Variants in SPMIP2 observed in about 807,000 individuals in gnomAD.
SPMIP2 encodes protein SPMIP2.
chr4:158,921,283 A>G, the SPMIP2 span, among the ~76,000 whole-genome samples: 10 of 152,184 alleles, frequency 6.6e-5, no homozygotes, highest in Admixed American at 6.5e-4. Flanking sequence ...TACTAAAAAT[A>G]CAAAAATAAT....
At chr4:158,997,246 T>TG in the SPMIP2 span, among the ~76,000 whole-genome samples, 27 of 151,966 alleles carry the variant, frequency 1.8e-4, no homozygotes, top group Non-Finnish European at 3.7e-4. Context: ...TTTTTTTTTT[T>TG]TGAGATGAAG....
chr4:159,022,633 G>T, the SPMIP2 span, among the ~76,000 whole-genome samples: 1 of 152,170 alleles, frequency 6.6e-6, no homozygotes, highest in South Asian at 2.1e-4. Context: ...GCATTCTTAA[G>T]TGTCTCCATA....
chr4:158,916,845 T>G, the SPMIP2 span, among the ~76,000 whole-genome samples: 1 of 152,232 alleles, frequency 6.6e-6, no homozygotes, highest in Non-Finnish European at 1.5e-5. Flanking sequence ...GGTTTCACCA[T>G]GTCGACCAAG....
the SPMIP2 span, among the ~76,000 whole-genome samples, chr4:158,986,230 G>C: frequency 6.6e-6 from 1 of 151,620 alleles, no homozygotes; most frequent in Non-Finnish European, 1.5e-5. Context: ...TATAGATTCA[G>C]TGCCATCCCC....
chr4:158,906,751 A>C, the SPMIP2 span: 1 of 152,116 alleles, frequency 6.6e-6, no homozygotes, highest in Admixed American at 6.5e-5. Context: ...TCCTTTAAAT[A>C]TTTAACATTC....
At chr4:159,066,584 G>A in the SPMIP2 span, among the ~76,000 whole-genome samples, 2 of 117,312 alleles carry the variant, frequency 1.7e-5, no homozygotes, top group East Asian at 2.2e-4. Flanking sequence ...ATACGTGTGT[G>A]TATTTTATAT....
the SPMIP2 span, chr4:158,895,706 G>T: frequency 8.2e-7 from 1 of 1,215,736 alleles, no homozygotes; most frequent in Admixed American, 1.9e-5. Flanking sequence ...TATTGGCAGA[G>T]ATTTGACTTC....
chr4:159,019,149 A>C, the SPMIP2 span, among the ~76,000 whole-genome samples: 2 of 152,130 alleles, frequency 1.3e-5, no homozygotes, highest in Non-Finnish European at 2.9e-5. Context: ...CTGGTTCCCC[A>C]GCTGGAGTTG....
the SPMIP2 span, among the ~76,000 whole-genome samples, chr4:158,957,472 G>A: frequency 6.6e-6 from 1 of 152,004 alleles, no homozygotes; most frequent in Non-Finnish European, 1.5e-5. Context: ...TGTCGCCCAG[G>A]CTGGAGTACA....
chr4:158,985,769 G>A, the SPMIP2 span, among the ~76,000 whole-genome samples: 54 of 152,194 alleles, frequency 3.5e-4, no homozygotes, highest in African/African-American at 1.1e-3. Context: ...ACATACTGTT[G>A]GAAGTTCTGG....
At chr4:158,958,487 T>C in the SPMIP2 span, among the ~76,000 whole-genome samples, 1 of 152,148 alleles carries the variant, frequency 6.6e-6, no homozygotes, top group Non-Finnish European at 1.5e-5. Context: ...CCTCCTCCCC[T>C]AGAATACAAG....
At chr4:158,934,583 G>T in the SPMIP2 span, among the ~76,000 whole-genome samples, 1 of 152,088 alleles carries the variant, frequency 6.6e-6, no homozygotes, top group East Asian at 1.9e-4. Flanking sequence ...ATACGTGTTA[G>T]CCGTATTATT....
chr4:159,030,880 G>T, the SPMIP2 span, among the ~76,000 whole-genome samples: 1 of 152,108 alleles, frequency 6.6e-6, no homozygotes, highest in Non-Finnish European at 1.5e-5. Flanking sequence ...TCTCAGAATT[G>T]CTGCGAAATT....
At chr4:159,054,998 A>G in the SPMIP2 span, among the ~76,000 whole-genome samples, 2 of 152,222 alleles carry the variant, frequency 1.3e-5, no homozygotes, top group African/African-American at 4.8e-5. Context: ...GGAAGTCTGC[A>G]TGACTTATAA....
chr4:158,925,300 A>G, the SPMIP2 span, among the ~76,000 whole-genome samples: 4 of 152,138 alleles, frequency 2.6e-5, no homozygotes, highest in Non-Finnish European at 5.9e-5. Context: ...TATCAATTTT[A>G]TTGAATTGAT....
At chr4:158,966,782 C>A in the SPMIP2 span, among the ~76,000 whole-genome samples, 1 of 152,162 alleles carries the variant, frequency 6.6e-6, no homozygotes, top group African/African-American at 2.4e-5. Flanking sequence ...CTTTACATTA[C>A]TTTGGGTCCT....
chr4:159,000,871 G>C, the SPMIP2 span, among the ~76,000 whole-genome samples: 15 of 152,132 alleles, frequency 9.9e-5, no homozygotes, highest in Non-Finnish European at 2.2e-4. Context: ...TTTTATTGCT[G>C]AGTAATATTC....
chr4:158,902,170 C>CT, the SPMIP2 span, among the ~76,000 whole-genome samples: 1 of 152,102 alleles, frequency 6.6e-6, no homozygotes, highest in Non-Finnish European at 1.5e-5. Flanking sequence ...GATGGGGTCT[C>CT]TGAGTGGACG....
chr4:159,052,298 G>A, the SPMIP2 span, among the ~76,000 whole-genome samples: 1,542 of 152,136 alleles, frequency 0.01, 23 homozygotes, highest in African/African-American at 0.035. Context: ...GGAAGACCTG[G>A]ACCTACATTC....
Sources: gnomAD v4.1 joint callset for allele counts (sites outside exome capture counted in the v4.1 genomes callset) on GRCh38, gnomAD v4.1.1 for gene constraint, MANE v1.5 for transcripts, NCBI Gene and HGNC (gene_info 2026-07-23, HGNC 2026-07-21) for gene names.